The following GARS1 variants were observed in gnomAD, a reference collection of about 807,000 sequenced individuals.
The protein encoded by GARS1 is glycine--tRNA ligase.
A neutral mutation model predicts 86.4 loss-of-function variants in GARS1; 46 were observed. The ratio of observed to expected loss-of-function variants is 0.53; its 90% CI spans 0.42 to 0.68. The LOEUF (loss-of-function observed/expected upper bound fraction) is 0.68. Among genes scored for constraint, GARS1 ranks in the 30% least tolerant of loss-of-function variants. The probability of loss-of-function intolerance (pLI) is 0.00; values close to 1 mark genes in which losing one functional copy is unlikely to be tolerated. For synonymous variants in GARS1, 342 were observed against 329.8 expected (o/e 1.04, Z -0.40); for missense variants, 797 against 915.6 (o/e 0.87, Z 1.67).
chr7:30,622,272 TACTG>T, intron 11 of GARS1, 41 bp from the exon 12 acceptor site: 2 of 1,611,924 alleles, frequency 1.2e-6, no homozygotes, highest in Non-Finnish European at 8.5e-7. Flanking sequence ...TTTTCTGAAA[TACTG>T]AGGCAGTGCT....
rs1021658835 is a variant in GARS1, at chr7:30,622,329, G to A, written c.1480G>A (p.Val494Ile). Residue 494 changes from valine to isoleucine, a missense_variant, in exon 12 of 17, where the codon GTT becomes ATT. By Grantham distance (29) the Val-to-Ile change is conservative. Around this residue, in one of 2 missense-constraint regions of GARS1, gnomAD observed 598 missense variants for 738.7 expected, o/e 0.81. Transcript: ENST00000389266. ...GACTACTTCATACAAAACAGTCAAT[G>A]TTGTTCAGTTTGAACCCAGTAAGGG... ...KPLKEPKTVN[V>I]VQFEPSKGAI... The A allele has an allele frequency of 1.2e-6, 2 of 1,614,130 alleles. No individual in the cohort carries two copies. The highest frequency in any genetic ancestry group is 8.5e-7 in the Non-Finnish European group (1 of 1,179,998).
At chr7:30,606,702 A>G (rs1421624200) in intron 6 of GARS1, among the ~76,000 whole-genome samples, 1 of 151,990 alleles carries the variant, frequency 6.6e-6, no homozygotes, top group African/African-American at 2.4e-5. Context: ...CATCTTATAC[A>G]TTTCCTGTCC....
chr7:30,610,031 G>A (rs183925224), intron 7 of GARS1, among the ~76,000 whole-genome samples: 2 of 152,172 alleles, frequency 1.3e-5, no homozygotes, highest in Non-Finnish European at 1.5e-5. Flanking sequence ...TTTAAAAGCC[G>A]TTGAACTTAT....
intron 15 of GARS1, chr7:30,631,949 A>G (rs1783242433): frequency 2.4e-6 from 1 of 425,254 alleles, no homozygotes; most frequent in African/African-American, 2.0e-5. Flanking sequence ...GAGTCCATTG[A>G]CCTGCTTAGA....
At chr7:30,598,377 C>CTTTTT (rs1174085518) in intron 1 of GARS1, among the ~76,000 whole-genome samples, 31 of 99,598 alleles carry the variant, frequency 3.1e-4, no homozygotes, top group African/African-American at 3.8e-4. Flanking sequence ...TTGCATCATT[C>CTTTTT]TTTTTTTTTT....
chr7:30,618,739 A>C (rs1042675390), intron 10 of GARS1, among the ~76,000 whole-genome samples: 1 of 152,238 alleles, frequency 6.6e-6, no homozygotes, highest in Non-Finnish European at 1.5e-5. Flanking sequence ...GCATAAATGC[A>C]TAATAATATG....
intron 12 of GARS1, 160 bp downstream of exon 12, chr7:30,622,622 C>A: frequency 2.6e-6 from 2 of 773,442 alleles, no homozygotes; most frequent in South Asian, 1.6e-5. Flanking sequence ...GGCATTATAG[C>A]CTGAAAAAAG....
At chr7:30,600,889 A>G (rs1420892611) in intron 3 of GARS1, among the ~76,000 whole-genome samples, 170 bp from the exon 4 acceptor site, 2 of 152,150 alleles carry the variant, frequency 1.3e-5, no homozygotes, top group Non-Finnish European at 2.9e-5. Flanking sequence ...GAGCTTTTTT[A>G]TTTTACTTCC....
In GARS1 at chr7:30,594,979, C is replaced by G. The variant is rs1584017138; in HGVS notation, c.58C>G (p.Leu20Val). ...RGARAALLLL[L>V]PPRLLARPSL... ...TGCTCGCGCCGCTCTGCTGCTGCTG[C>G]TGCCGCCCCGGCTCTTAGCCCGACC... is the stretch of plus-strand genomic sequence containing the variant. Residue 20 changes from leucine (L) to valine (V), a missense_variant, in exon 1 of 17, where the codon CTG becomes GTG. Leu to Val is a conservative substitution (Grantham distance 32). Coordinates refer to ENST00000389266, the MANE Select transcript of GARS1 (RefSeq NM_002047.4). The G allele has an allele frequency of 6.3e-7, 1 of 1,594,800 alleles. No homozygotes were observed. The highest frequency in any genetic ancestry group is 1.3e-5 in the African/African-American group (1 of 74,836).
chr7:30,633,900 A>T lies in GARS1; in HGVS notation c.*40A>T, dbSNP rs1298166794. ...ACTTTTGACCACTTGCGCTAATAAA[A>T]AAAAAAAAAAACTACTCTTATGTCC... On this transcript the variant is annotated 3_prime_UTR_variant, in exon 17 of 17. Transcript: ENST00000389266. 2.6e-5 allele frequency: 41 copies of T among 1,581,874 alleles called. No homozygotes were observed. Among genetic ancestry groups the T allele is most frequent in the Admixed American group, 1.4e-4 (8 of 57,868 alleles).
At chr7:30,625,135 G>A (rs915672657) in intron 12 of GARS1, among the ~76,000 whole-genome samples, 96 of 152,142 alleles carry the variant, frequency 6.3e-4, no homozygotes, top group African/African-American at 2.3e-3. Context: ...GTAGAGACGG[G>A]GTTTCACCTT....
At chr7:30,621,054 CTT>C (rs749336250) in intron 10 of GARS1, among the ~76,000 whole-genome samples, 59 of 128,616 alleles carry the variant, frequency 4.6e-4, no homozygotes, top group Admixed American at 6.2e-4. Flanking sequence ...TTTTTTCTTT[CTT>C]TTTTTTTTTT....
At chr7:30,615,571 T>C (rs1007136000) in intron 8 of GARS1, among the ~76,000 whole-genome samples, 2 of 152,214 alleles carry the variant, frequency 1.3e-5, no homozygotes, top group African/African-American at 4.8e-5. Context: ...GAATTAATAC[T>C]TCAGAGAAGT....
intron 10 of GARS1, among the ~76,000 whole-genome samples, chr7:30,619,229 C>T (rs1369550970): frequency 2.0e-5 from 3 of 152,050 alleles, no homozygotes; most frequent in Non-Finnish European, 4.4e-5. Flanking sequence ...GATGCCTGCT[C>T]GTCCTTATCT....
Position 30,601,165 on chromosome 7 carries a change from C to G in GARS1, c.534C>G (p.Ile178Met), listed in dbSNP as rs774732829. Residue 178 changes from isoleucine (I) to methionine (M), a missense_variant, in exon 4 of 17, where the codon ATC becomes ATG. By Grantham distance (10) the Ile-to-Met change is conservative. This residue lies in a region of GARS1 where 598 missense variants were observed against 738.7 expected (regional missense o/e 0.81). Transcript: ENST00000389266. ...TCCAAGAGGAACAGATCCTGGAGAT[C>G]GATTGCACCATGCTCACCCCTGAGC... ...HFIQEEQILEIDCTMLTPEPV... is the reference protein window; with the variant it reads ...HFIQEEQILEMDCTMLTPEPV... 3 of 1,614,068 alleles carry G rather than the reference C, an allele frequency of 1.9e-6. No individual in the cohort carries two copies. Among genetic ancestry groups the G allele is most frequent in the Middle Eastern group, 1.6e-4 (1 of 6,062 alleles).
intron 16 of GARS1, among the ~76,000 whole-genome samples, chr7:30,633,515 C>T (rs1783277774): frequency 6.6e-6 from 1 of 152,152 alleles, no homozygotes; most frequent in Non-Finnish European, 1.5e-5. Context: ...CATGAAGTAA[C>T]TTCAAGGGAC....
intron 1 of GARS1, among the ~76,000 whole-genome samples, chr7:30,595,427 T>C (rs1274969282): frequency 1.3e-5 from 2 of 152,144 alleles, no homozygotes; most frequent in African/African-American, 4.8e-5. Context: ...CCTTCCCCAT[T>C]CTGTCACAGC....
At chr7:30,628,183 C>A (rs1213774441) in intron 13 of GARS1, among the ~76,000 whole-genome samples, 4 of 149,198 alleles carry the variant, frequency 2.7e-5, no homozygotes, top group African/African-American at 9.8e-5. Context: ...TTTTTCTTTT[C>A]TTTTCTTTTT....
chr7:30,621,790 G>T (rs1220722741), intron 11 of GARS1: 1 of 494,990 alleles, frequency 2.0e-6, no homozygotes, highest in Admixed American at 3.5e-5. Context: ...TTTCCAAAAC[G>T]CACTTCACAC....
Sources: gnomAD v4.1 joint callset for allele counts (sites outside exome capture counted in the v4.1 genomes callset) on GRCh38, gnomAD v4.1.1 for gene constraint, gnomAD v4.1.1 regional missense constraint, MANE v1.5 for transcripts, NCBI Gene and HGNC (gene_info 2026-07-23, HGNC 2026-07-21) for gene names.